The following TNIK variants were observed in gnomAD, a reference collection of about 807,000 sequenced individuals.
TNIK encodes TRAF2 and NCK-interacting protein kinase.
Under a neutral mutation model 191.3 loss-of-function variants are expected in TNIK, and 49 were observed. The ratio of observed to expected loss-of-function variants is 0.26; its 90% confidence interval spans 0.20 to 0.32. The LOEUF is 0.32. Among genes scored for constraint, TNIK ranks in the 10% least tolerant of loss-of-function variants. TNIK has a pLI of 1.00. For synonymous variants in TNIK, 594 were observed against 600.9 expected (o/e 0.99, Z 0.17); for missense variants, 1,155 against 1,702.3 (o/e 0.68, Z 5.66).
At chr3:171,165,140 A>T (rs971375730) in intron 10 of TNIK, among the ~76,000 whole-genome samples, 1 of 152,048 alleles carries the variant, frequency 6.6e-6, no homozygotes, top group Admixed American at 6.5e-5. Context: ...ATCTAAAAAA[A>T]TATAAAATCA....
intron 1 of TNIK, among the ~76,000 whole-genome samples, chr3:171,375,421 A>C (rs1717077423): frequency 6.6e-6 from 1 of 152,202 alleles, no homozygotes; most frequent in African/African-American, 2.4e-5. Context: ...TAGCAAACAG[A>C]GTCAGGTATT....
chr3:171,303,508 CTAAA>C (rs745468530), intron 2 of TNIK, among the ~76,000 whole-genome samples: 4 of 152,142 alleles, frequency 2.6e-5, no homozygotes, highest in Non-Finnish European at 4.4e-5. Context: ...CCTTGTTTCA[CTAAA>C]TACAGAAAAT....
rs1718423767 is a variant in TNIK, at chr3:171,066,345, A to G, written c.3860-19T>C. 1 of 1,613,578 alleles carries G rather than the reference A, an allele frequency of 6.2e-7. No individual in the cohort carries two copies. The highest frequency in any genetic ancestry group is 8.5e-7 in the Non-Finnish European group (1 of 1,179,708). The stretch of plus-strand genomic sequence containing the variant: ...ATGTAGGCTGTCAAAAGGAATTTCC[A>G]AAACTGCATTAAAAACATTAGATGG... On this transcript the variant is annotated intron_variant, in intron 31 of 32. Coordinates refer to ENST00000436636, the MANE Select transcript of TNIK (RefSeq NM_015028.4).
At chr3:171,136,794 A>T (rs1730048050) in intron 15 of TNIK, among the ~76,000 whole-genome samples, 1 of 152,212 alleles carries the variant, frequency 6.6e-6, no homozygotes, top group Admixed American at 6.5e-5. Context: ...GCTGCTGTTT[A>T]GCAGCATAGT....
chr3:171,345,061 G>T (rs1295808740), intron 2 of TNIK, among the ~76,000 whole-genome samples: 1 of 152,018 alleles, frequency 6.6e-6, no homozygotes, highest in Non-Finnish European at 1.5e-5. Context: ...TGACATCTAT[G>T]GTCTCAACTG....
chr3:171,165,167 T>G (rs980427427), intron 10 of TNIK, among the ~76,000 whole-genome samples: 1 of 151,984 alleles, frequency 6.6e-6, no homozygotes, highest in South Asian at 2.1e-4. Context: ...CATGGTGGTG[T>G]GCACCTGTAG....
Position 171,106,832 on chromosome 3 carries a change from G to C in TNIK, c.2406+351C>G, listed in dbSNP as rs1412917282. 9 of 521,812 alleles carry C rather than the reference G, an allele frequency of 1.7e-5. No homozygotes were observed. The Admixed American group carries it at 1.8e-4, about 10-fold the overall frequency. The allele number at this position is 521,812 out of a possible 1,614,324, so 32.3% of individuals were successfully genotyped here. Reference sequence around the variant, plus strand: ...TAGAATGATGTCTCTTTTCTTGTTAGTAAAACTGCTGAGAGCCATTCCCTA... The same window carrying C: ...TAGAATGATGTCTCTTTTCTTGTTACTAAAACTGCTGAGAGCCATTCCCTA... On this transcript the variant is annotated intron_variant, in intron 21 of 32. Transcript: ENST00000436636.
At chr3:171,334,530 C>G (rs1199663339) in intron 2 of TNIK, among the ~76,000 whole-genome samples, 1 of 152,168 alleles carries the variant, frequency 6.6e-6, no homozygotes, top group Non-Finnish European at 1.5e-5. Context: ...CTGCCAGGCT[C>G]TCAAAAACCT....
chr3:171,104,331 A>T (rs939160771), intron 21 of TNIK, among the ~76,000 whole-genome samples: 6 of 152,128 alleles, frequency 3.9e-5, no homozygotes, highest in Non-Finnish European at 8.8e-5. Context: ...CATATATTTT[A>T]TTCTTTGACA....
chr3:171,074,887 G>A (rs1386775574), intron 28 of TNIK, among the ~76,000 whole-genome samples: 1 of 152,140 alleles, frequency 6.6e-6, no homozygotes, highest in East Asian at 1.9e-4. Context: ...CTGGTCTCAA[G>A]TTTTCTGATA....
chr3:171,264,131 T>C (rs1015534647), intron 2 of TNIK, among the ~76,000 whole-genome samples: 15 of 142,776 alleles, frequency 1.1e-4, no homozygotes, highest in Admixed American at 6.3e-4. Flanking sequence ...TATATATATA[T>C]ACACCCCTTA....
intron 2 of TNIK, among the ~76,000 whole-genome samples, chr3:171,238,816 C>CCTCGACGAATTGTTCTTTCCTTGCTT (rs1744615705): frequency 6.6e-6 from 1 of 152,180 alleles, no homozygotes; most frequent in Non-Finnish European, 1.5e-5. Flanking sequence ...GGAGGCACAG[C>CCTCGACGAATTGTTCTTTCCTTGCTT]AGACGACGAA....
At chr3:171,138,519 G>A (rs893785276) in intron 14 of TNIK, 140 bp from the exon 15 acceptor site, 1 of 746,096 alleles carries the variant, frequency 1.3e-6, no homozygotes, top group Non-Finnish European at 2.0e-6. Flanking sequence ...ATGACAGAAG[G>A]ATGTCAGGAT....
chr3:171,336,795 TATC>T (rs1756999104), intron 2 of TNIK, among the ~76,000 whole-genome samples: 1 of 152,186 alleles, frequency 6.6e-6, no homozygotes, highest in African/African-American at 2.4e-5. Flanking sequence ...ACCAAATAAA[TATC>T]ATGTTTAAGG....
intron 2 of TNIK, among the ~76,000 whole-genome samples, chr3:171,361,356 T>A (rs942095828): frequency 2.6e-5 from 4 of 152,238 alleles, no homozygotes; most frequent in Non-Finnish European, 5.9e-5. Context: ...GTAGCAACTC[T>A]ACAGGTTCAA....
intron 9 of TNIK, among the ~76,000 whole-genome samples, chr3:171,171,712 G>C (rs13063829): frequency 0.018 from 2,748 of 152,302 alleles, 48 homozygotes; most frequent in Middle Eastern, 0.045. Flanking sequence ...GCGAGGGCAG[G>C]TGAGTGTGGA....
chr3:171,250,972 A>C (rs1746157146), intron 2 of TNIK, among the ~76,000 whole-genome samples: 1 of 152,224 alleles, frequency 6.6e-6, no homozygotes, highest in East Asian at 1.9e-4. Flanking sequence ...CCAAATGGTC[A>C]CAAGCCTAGT....
intron 2 of TNIK, among the ~76,000 whole-genome samples, chr3:171,253,589 T>TCCCCCCCCCCCCCCCCCCCCCCCC (rs67388870): frequency 8.2e-6 from 1 of 121,540 alleles, no homozygotes; most frequent in Non-Finnish European, 1.7e-5. Context: ...AGAAGACAGG[T>TCCCCCCCCCCCCCCCCCCCCCCCC]CCCCCCCCCA....
intron 2 of TNIK, among the ~76,000 whole-genome samples, chr3:171,354,902 T>C (rs905632265): frequency 2.0e-5 from 3 of 152,320 alleles, no homozygotes; most frequent in African/African-American, 7.2e-5. Flanking sequence ...GCTTCTAGAC[T>C]AGAAAACAAT....
Sources: gnomAD v4.1 joint callset for allele counts (sites outside exome capture counted in the v4.1 genomes callset) on GRCh38, gnomAD v4.1.1 for gene constraint, MANE v1.5 for transcripts, NCBI Gene and HGNC (gene_info 2026-07-23, HGNC 2026-07-21) for gene names.